P4HA1: variants seen among roughly 807,000 people sequenced by gnomAD.
P4HA1 encodes the protein prolyl 4-hydroxylase subunit alpha-1.
In P4HA1, 24 loss-of-function variants were observed where a neutral mutation model predicts 72.8. The ratio of observed to expected loss-of-function variants is 0.33; its 90% confidence interval spans 0.24 to 0.46. The LOEUF is 0.46. P4HA1 is among the 20% of genes least tolerant of loss of function. The pLI is 1.00. For missense variants in P4HA1, 446 were observed against 640.6 expected (o/e 0.70, Z 3.28); for synonymous variants, 201 against 218.8 (o/e 0.92, Z 0.72).
chr10:73,059,424 T>TTAAA lies in P4HA1; in HGVS notation c.464-5835_464-5834insTTTA, dbSNP rs1564631478. 2.6e-3 allele frequency among the ~76,000 whole-genome samples: 63 copies of TTAAA among 24,178 alleles called. 3 individuals carry two copies. The highest frequency in any genetic ancestry group is 6.6e-3 in the African/African-American group (60 of 9,026). The allele number at this position is 24,178 out of a possible 152,430, so 15.9% of individuals were successfully genotyped here. A position where few individuals can be genotyped will look rare whatever the true frequency, so the allele number is the denominator to read the frequency against. ...GGGCAAAATAATGAGACAATATATT[T>TTAAA]AAAAAAAAAAAAAAAAAAAAAAAAA... On this transcript the variant is annotated intron_variant, in intron 5 of 14. Transcript: ENST00000394890.
chr10:73,046,555 T>C (rs530183790), intron 8 of P4HA1, among the ~76,000 whole-genome samples: 1 of 152,316 alleles, frequency 6.6e-6, no homozygotes, highest in South Asian at 2.1e-4. Context: ...TCCACGGTAT[T>C]CTTTCAGTAA....
chr10:73,075,399 G>A lies in P4HA1; in HGVS notation c.-32-484C>T, dbSNP rs371491555. Among the ~76,000 whole-genome samples the A allele has an allele frequency of 4.2e-4, 64 of 152,202 alleles. No homozygotes were observed. In the East Asian group the frequency reaches 6.0e-3, roughly 14 times the overall value. ...GCTGGGATTATAAGTGTGAGCCAACGCACCCATATTAGATAAAAATGTATG... is the reference window on the plus strand; with the variant it reads ...GCTGGGATTATAAGTGTGAGCCAACACACCCATATTAGATAAAAATGTATG... On this transcript the variant is annotated intron_variant, in intron 1 of 14. Coordinates refer to ENST00000394890, the MANE Select transcript of P4HA1 (RefSeq NM_001017962.3).
intron 9 of P4HA1, among the ~76,000 whole-genome samples, chr10:73,037,155 A>G (rs1042643660): frequency 6.6e-6 from 1 of 152,106 alleles, no homozygotes; most frequent in African/African-American, 2.4e-5. Context: ...ATTTCTTCAG[A>G]TAACTTTATA....
intron 9 of P4HA1, among the ~76,000 whole-genome samples, chr10:73,030,674 A>G (rs1370437497): frequency 1.3e-5 from 2 of 152,196 alleles, no homozygotes; most frequent in African/African-American, 4.8e-5. Context: ...GAGAACTTCA[A>G]AAAATTCTTT....
intron 1 of P4HA1, among the ~76,000 whole-genome samples, chr10:73,076,908 G>A (rs1176354173): frequency 6.6e-6 from 1 of 152,056 alleles, no homozygotes; most frequent in African/African-American, 2.4e-5. Flanking sequence ...CGTTCTACAA[G>A]AGCTAAAAAA....
chr10:73,011,286 T>TA (rs1839905167), intron 12 of P4HA1, among the ~76,000 whole-genome samples: 1 of 152,172 alleles, frequency 6.6e-6, no homozygotes, highest in African/African-American at 2.4e-5. Flanking sequence ...ACTGGGGATA[T>TA]AATTTGAGAT....
At chr10:73,045,094 A>T in intron 8 of P4HA1, 43 bp from the exon 9 acceptor site, 1 of 1,528,808 alleles carries the variant, frequency 6.5e-7, no homozygotes, top group Middle Eastern at 1.7e-4. Flanking sequence ...CAAAACAAAA[A>T]ACTGAATCAC....
At chr10:73,028,523 C>T (rs1011358236) in intron 10 of P4HA1, among the ~76,000 whole-genome samples, 4 of 152,068 alleles carry the variant, frequency 2.6e-5, no homozygotes, top group Non-Finnish European at 5.9e-5. Flanking sequence ...CCTCCACCTC[C>T]TGGGTTCAAG....
intron 10 of P4HA1, among the ~76,000 whole-genome samples, chr10:73,022,724 C>T (rs61865783): frequency 5.9e-5 from 9 of 152,176 alleles, no homozygotes; most frequent in African/African-American, 1.9e-4. Flanking sequence ...TCTAAGCCAT[C>T]GCAAGGAAGC....
intron 9 of P4HA1, among the ~76,000 whole-genome samples, chr10:73,039,234 T>C (rs1284223390): frequency 6.6e-6 from 1 of 151,970 alleles, no homozygotes; most frequent in South Asian, 2.1e-4. Context: ...CAGTGAGCTA[T>C]GATCATGCCA....
intron 9 of P4HA1, among the ~76,000 whole-genome samples, chr10:73,040,929 A>G (rs1309341473): frequency 6.6e-6 from 1 of 152,128 alleles, no homozygotes; most frequent in Admixed American, 6.5e-5. Context: ...TTTTTTGTAG[A>G]TATGAATTAG....
At chr10:73,029,241 G>A (rs1208779069) in intron 10 of P4HA1, among the ~76,000 whole-genome samples, 12 of 151,212 alleles carry the variant, frequency 7.9e-5, no homozygotes, top group Admixed American at 5.3e-4. Flanking sequence ...GTGAAACCCC[G>A]TCTCTACTAA....
chr10:73,055,012 G>A (rs1699448415), intron 5 of P4HA1, among the ~76,000 whole-genome samples: 1 of 152,108 alleles, frequency 6.6e-6, no homozygotes, highest in Admixed American at 6.5e-5. Context: ...ACTGCTTAAG[G>A]CCAGGAGTTT....
intron 14 of P4HA1, 43 bp from the exon 15 acceptor site, chr10:73,008,335 A>G: frequency 8.3e-7 from 1 of 1,210,672 alleles, no homozygotes; most frequent in Admixed American, 1.7e-5. Flanking sequence ...CCTTAATCTA[A>G]TCAGTATTTA....
intron 10 of P4HA1, 104 bp downstream of exon 10, chr10:73,030,167 C>A: frequency 2.1e-6 from 1 of 486,382 alleles, no homozygotes; most frequent in East Asian, 3.1e-5. Context: ...TTTAAGGTCC[C>A]AAACTATCAT....
intron 10 of P4HA1, among the ~76,000 whole-genome samples, chr10:73,025,964 A>G (rs1840255904): frequency 6.6e-6 from 1 of 152,254 alleles, no homozygotes; most frequent in African/African-American, 2.4e-5. Context: ...AAAAGAGGAC[A>G]CAAATGGAAG....
chr10:73,090,577 G>A (rs370124727), intron 1 of P4HA1, among the ~76,000 whole-genome samples: 21 of 152,142 alleles, frequency 1.4e-4, no homozygotes, highest in East Asian at 7.7e-4. Flanking sequence ...CAATAAAGTC[G>A]TTAAAATATA....
At chr10:73,091,312 G>GT (rs1842027346) in intron 1 of P4HA1, among the ~76,000 whole-genome samples, 1 of 151,460 alleles carries the variant, frequency 6.6e-6, no homozygotes, top group South Asian at 2.1e-4. Flanking sequence ...AACTTTTTTT[G>GT]TTTTTTTGAG....
chr10:73,061,545 T>A (rs2133114337), intron 5 of P4HA1, among the ~76,000 whole-genome samples: 1 of 152,318 alleles, frequency 6.6e-6, no homozygotes, highest in Non-Finnish European at 1.5e-5. Flanking sequence ...GGTATTAAAT[T>A]ATATTAAGGA....
Sources: allele counts gnomAD v4.1 joint callset (sites outside exome capture counted in the v4.1 genomes callset), GRCh38; gene constraint gnomAD v4.1.1; transcripts MANE v1.5; gene names NCBI Gene and HGNC (gene_info 2026-07-23, HGNC 2026-07-21).